The following CCDC149 variants were observed in gnomAD, a reference collection of about 807,000 sequenced individuals.
CCDC149 encodes coiled-coil domain-containing protein 149.
CCDC149 carries 45 observed loss-of-function variants against 59.9 expected under a neutral mutation model. That is an observed-to-expected ratio of 0.75 (90% confidence interval 0.59 to 0.96). CCDC149 has a LOEUF of 0.96. CCDC149 is among the 40% of genes least tolerant of loss of function. The pLI, the probability that CCDC149 is intolerant of heterozygous loss-of-function variation, is 0.00. For missense variants in CCDC149, 584 were observed against 664.7 expected, an observed-to-expected ratio of 0.88 and a Z score of 1.33; for synonymous variants, 245 against 260.6, an observed-to-expected ratio of 0.94 and a Z score of 0.58.
At chr4:24,964,552 T>C (rs1723741620) in intron 1 of CCDC149, among the ~76,000 whole-genome samples, 2 of 152,200 alleles carry the variant, frequency 1.3e-5, no homozygotes, top group South Asian at 4.1e-4. Context: ...TATCAGAATT[T>C]GAGATACCCC....
intron 4 of CCDC149, among the ~76,000 whole-genome samples, chr4:24,840,873 T>C (rs774088504): frequency 5.9e-5 from 9 of 152,210 alleles, no homozygotes; most frequent in East Asian, 1.9e-4. Flanking sequence ...AAGGTTATGA[T>C]TGATCAGTTG....
chr4:24,902,972 C>A (rs1217820171), intron 1 of CCDC149, among the ~76,000 whole-genome samples: 1 of 126,868 alleles, frequency 7.9e-6, no homozygotes, highest in African/African-American at 3.0e-5. Context: ...TTGCAGTGAG[C>A]CGAGACTGTG....
chr4:24,906,396 T>TTTTATTTTATTTTATTTTATTTTATTTTA (rs1560249559), intron 1 of CCDC149, among the ~76,000 whole-genome samples: 24 of 41,742 alleles, frequency 5.7e-4, no homozygotes, highest in African/African-American at 8.8e-4. Context: ...TTTTATTTTA[T>TTTTATTTTATTTTATTTTATTTTATTTTA]TTTATTTTAT....
intron 1 of CCDC149, among the ~76,000 whole-genome samples, chr4:24,891,999 A>G (rs1455306982): frequency 6.6e-6 from 1 of 152,176 alleles, no homozygotes; most frequent in Non-Finnish European, 1.5e-5. Context: ...ACCCTGTCTC[A>G]AAAAAGAAAA....
intron 1 of CCDC149, among the ~76,000 whole-genome samples, chr4:24,962,903 AAAAT>A (rs1401507339): frequency 7.2e-6 from 1 of 139,808 alleles, no homozygotes; most frequent in African/African-American, 2.6e-5. Context: ...AAATAAATTA[AAAAT>A]AAATAAAATC....
chr4:24,925,538 TG>T (rs1722414431), intron 1 of CCDC149, among the ~76,000 whole-genome samples: 1 of 152,228 alleles, frequency 6.6e-6, no homozygotes, highest in Admixed American at 6.5e-5. Context: ...TTTGTATCAA[TG>T]CATAATCAAC....
At chr4:24,956,031 C>T (rs1453815) in intron 1 of CCDC149, among the ~76,000 whole-genome samples, 114,283 of 152,088 alleles carry the variant, frequency 0.75, 43,157 homozygotes, top group African/African-American at 0.78. Flanking sequence ...GAAAGTTTAA[C>T]GCATATATTA....
Position 24,813,501 on chromosome 4 carries a change from T to TATATATATATAC in CCDC149, c.1193-4683_1193-4682insGTATATATATAT, listed in dbSNP as rs1553846371. Among the ~76,000 whole-genome samples the TATATATATATAC allele has an allele frequency of 7.0e-3, 294 of 42,082 alleles. 11 individuals are homozygous for TATATATATATAC. Among genetic ancestry groups the TATATATATATAC allele is most frequent in the Middle Eastern group, 0.026 (2 of 78 alleles). The allele number at this position is 42,082 out of a possible 152,430, so 27.6% of individuals were successfully genotyped here. The stretch of plus-strand genomic sequence containing the variant: ...GTTCAGCTTGGGGAATATATATATA[T>TATATATATATAC]ATATATATATATATATATATATATA... On this transcript the variant is annotated intron_variant, in intron 12 of 12. Coordinates refer to ENST00000635206, the MANE Select transcript of CCDC149 (RefSeq NM_001330643.2).
intron 3 of CCDC149, among the ~76,000 whole-genome samples, chr4:24,857,546 G>A (rs947931652): frequency 1.9e-4 from 29 of 151,966 alleles, no homozygotes; most frequent in African/African-American, 7.0e-4. Flanking sequence ...GGTTTTCCTA[G>A]GGATATGGAA....
At chr4:24,974,956 G>A (rs1724112028) in intron 1 of CCDC149, among the ~76,000 whole-genome samples, 1 of 152,132 alleles carries the variant, frequency 6.6e-6, no homozygotes, top group South Asian at 2.1e-4. Flanking sequence ...TTCAGATGAT[G>A]CCAATGTGAT....
At chr4:24,844,781 T>C (rs905292804) in intron 4 of CCDC149, among the ~76,000 whole-genome samples, 8 of 151,568 alleles carry the variant, frequency 5.3e-5, no homozygotes, top group African/African-American at 1.7e-4. Flanking sequence ...CAAAATAAAA[T>C]AAAATAAAAT....
At chr4:24,857,200 T>C (rs1718067189) in intron 3 of CCDC149, among the ~76,000 whole-genome samples, 1 of 152,170 alleles carries the variant, frequency 6.6e-6, no homozygotes, top group South Asian at 2.1e-4. Flanking sequence ...GTAACTGCAG[T>C]GGCTACATTG....
intron 3 of CCDC149, among the ~76,000 whole-genome samples, chr4:24,869,539 T>C (rs1477889494): frequency 2.0e-5 from 3 of 152,198 alleles, no homozygotes; most frequent in Non-Finnish European, 4.4e-5. Flanking sequence ...GTGTGTCCTG[T>C]TGACAGCCAA....
At chr4:24,924,221 A>G (rs1052014845) in intron 1 of CCDC149, among the ~76,000 whole-genome samples, 1 of 151,894 alleles carries the variant, frequency 6.6e-6, no homozygotes, top group African/African-American at 2.4e-5. Flanking sequence ...AAGTGATGAG[A>G]TCAGATATTC....
intron 9 of CCDC149, among the ~76,000 whole-genome samples, chr4:24,823,413 G>C (rs759534979): frequency 6.6e-6 from 1 of 152,170 alleles, no homozygotes; most frequent in Non-Finnish European, 1.5e-5. Flanking sequence ...AAATAATATA[G>C]TTGGGAAATA....
At chr4:24,916,787 GGTGTGTGTGT>G (rs55857592), upstream of CCDC149, among the ~76,000 whole-genome samples, 106 of 142,012 alleles carry the variant, frequency 7.5e-4, 1 homozygote, top group African/African-American at 1.2e-3. Flanking sequence ...GGTTTATAAT[GGTGTGTGTGT>G]GTGTGTGTGT....
At chr4:24,905,410 C>CGTGTGTGTGT (rs1304853540) in intron 1 of CCDC149, among the ~76,000 whole-genome samples, 7 of 93,732 alleles carry the variant, frequency 7.5e-5, no homozygotes, top group Admixed American at 2.2e-4. Flanking sequence ...TTTTTGCGTG[C>CGTGTGTGTGT]GTGCGTGTGT....
At chr4:24,912,044 G>A (rs1172598289) in intron 1 of CCDC149, among the ~76,000 whole-genome samples, 3 of 152,310 alleles carry the variant, frequency 2.0e-5, no homozygotes, top group Admixed American at 6.5e-5. Context: ...GTGAGAGGGA[G>A]AAATCCGCAT....
chr4:24,975,307 A>G (rs974074826), intron 1 of CCDC149, among the ~76,000 whole-genome samples: 6 of 150,386 alleles, frequency 4.0e-5, no homozygotes, highest in African/African-American at 1.5e-4. Flanking sequence ...GAGAAAGGGA[A>G]AAGAAGGGAG....
Sources: allele counts gnomAD v4.1 joint callset (sites outside exome capture counted in the v4.1 genomes callset), GRCh38; gene constraint gnomAD v4.1.1; transcripts MANE v1.5; gene names NCBI Gene and HGNC (gene_info 2026-07-23, HGNC 2026-07-21).